The following SPATA1 variants were observed in gnomAD, a reference collection of about 807,000 sequenced individuals.
The protein encoded by SPATA1 is spermatogenesis-associated protein 1.
In SPATA1, 57 loss-of-function variants were observed where a neutral mutation model predicts 59.6. The observed-to-expected ratio is 0.96, with a 90% CI of 0.77 to 1.19. The LOEUF (loss-of-function observed/expected upper bound fraction) is 1.19. Among genes scored for constraint, SPATA1 ranks in the 50% most tolerant of loss-of-function variants. SPATA1 has a pLI of 0.00. For missense variants in SPATA1, 448 were observed against 480.7 expected (o/e 0.93, Z 0.64); for synonymous variants, 147 against 163.9 (o/e 0.90, Z 0.79).
At chr1:84,516,685 G>A (rs1682808271) in intron 2 of SPATA1, among the ~76,000 whole-genome samples, 1 of 152,100 alleles carries the variant, frequency 6.6e-6, no homozygotes, top group Non-Finnish European at 1.5e-5. Context: ...GTTCCATAGA[G>A]CAGTCATGAT....
At chr1:84,509,006 G>A (rs1682411909) in intron 1 of SPATA1, among the ~76,000 whole-genome samples, 1 of 152,214 alleles carries the variant, frequency 6.6e-6, no homozygotes, top group South Asian at 2.1e-4. Context: ...GCAATCTACA[G>A]ATTCAGTGCA....
intron 4 of SPATA1, among the ~76,000 whole-genome samples, chr1:84,560,447 T>C (rs1684570279): frequency 1.3e-5 from 2 of 152,238 alleles, no homozygotes; most frequent in South Asian, 2.1e-4. Flanking sequence ...CAGTTCTACA[T>C]AGCTGTCCAT....
chr1:84,565,664 C>T (rs1684685265), intron 4 of SPATA1, among the ~76,000 whole-genome samples, 197 bp from the exon 14 acceptor site: 1 of 152,108 alleles, frequency 6.6e-6, no homozygotes, highest in African/African-American at 2.4e-5. Flanking sequence ...AAAATCAAAA[C>T]TTTAAAACTT....
chr1:84,521,700 T>C (rs960065579), intron 3 of SPATA1, among the ~76,000 whole-genome samples: 3 of 152,226 alleles, frequency 2.0e-5, no homozygotes, highest in Non-Finnish European at 4.4e-5. Context: ...ATTTACTTCA[T>C]TAATTTTTCT....
At chr1:84,558,059 AG>A (rs1186971570), downstream of SPATA1, among the ~76,000 whole-genome samples, 5 of 152,212 alleles carry the variant, frequency 3.3e-5, no homozygotes, top group Non-Finnish European at 7.3e-5. Flanking sequence ...ATTTTCAATT[AG>A]GAACAATAAA....
intron 1 of SPATA1, chr1:84,507,228 A>G (rs1682301788): frequency 6.6e-6 from 1 of 152,214 alleles, no homozygotes; most frequent in Admixed American, 6.5e-5. Flanking sequence ...TTTTCCATTA[A>G]TGTTAATAAT....
chr1:84,560,721 T>C (rs1684579250), intron 4 of SPATA1, among the ~76,000 whole-genome samples: 2 of 152,200 alleles, frequency 1.3e-5, no homozygotes, highest in Non-Finnish European at 2.9e-5. Context: ...TAACTTTAAG[T>C]TGAAGCCAGT....
downstream of SPATA1, chr1:84,555,938 C>T (rs902944234): frequency 3.3e-5 from 5 of 152,158 alleles, no homozygotes; most frequent in African/African-American, 7.2e-5. Context: ...GCTAGGAGGT[C>T]TACAGAAGAT....
chr1:84,533,657 A>G, intron 7 of SPATA1, 52 bp from the exon 8 acceptor site: 1 of 1,319,976 alleles, frequency 7.6e-7, no homozygotes, highest in Non-Finnish European at 1.1e-6. Flanking sequence ...TGAAAAGCTA[A>G]TATTCATGGG....
At chr1:84,549,828 A>G (rs1211439584) in intron 11 of SPATA1, 1 of 151,768 alleles carries the variant, frequency 6.6e-6, no homozygotes, top group African/African-American at 2.4e-5. Flanking sequence ...TTTAATATAA[A>G]GTCCAAATAG....
chr1:84,567,108 C>T (rs1684714806), downstream of SPATA1, among the ~76,000 whole-genome samples: 1 of 152,196 alleles, frequency 6.6e-6, no homozygotes, highest in Admixed American at 6.5e-5. Flanking sequence ...ATTTTAAAAA[C>T]TGAGATACTT....
intron 1 of SPATA1, among the ~76,000 whole-genome samples, chr1:84,512,710 C>CAGTT (rs1682625180): frequency 6.6e-6 from 1 of 152,312 alleles, no homozygotes; most frequent in Admixed American, 6.5e-5. Flanking sequence ...CATCTACCAA[C>CAGTT]AGTTACTCCT....
chr1:84,529,352 CA>C (rs148878291), intron 6 of SPATA1, among the ~76,000 whole-genome samples: 2,489 of 151,958 alleles, frequency 0.016, 66 homozygotes, highest in African/African-American at 0.056. Flanking sequence ...GCTACTTACT[CA>C]GAGTCAAACA....
downstream of SPATA1, chr1:84,556,120 C>T (rs2102015706): frequency 6.6e-6 from 1 of 152,294 alleles, no homozygotes; most frequent in African/African-American, 2.4e-5. Flanking sequence ...CTTATGTTCA[C>T]CTTCCACCCT....
At chr1:84,526,070 G>A (rs756621673) in exon 6 of SPATA1, 3 of 1,605,078 alleles carry the variant, frequency 1.9e-6, no homozygotes, top group African/African-American at 2.7e-5. Context: ...GAATCAGGAA[G>A]AAGGTGATTT....
At chr1:84,510,579 C>T (rs1407246764) in intron 1 of SPATA1, among the ~76,000 whole-genome samples, 1 of 152,170 alleles carries the variant, frequency 6.6e-6, no homozygotes, top group Non-Finnish European at 1.5e-5. Flanking sequence ...ATTAGTACCA[C>T]CACTATGGAG....
At chr1:84,558,757 C>T (rs2102019770), downstream of SPATA1, among the ~76,000 whole-genome samples, 1 of 152,096 alleles carries the variant, frequency 6.6e-6, no homozygotes, top group South Asian at 2.1e-4. Flanking sequence ...AAAAATCAGC[C>T]TGGCATGATG....
chr1:84,508,454 A>AT (rs1302926700), intron 1 of SPATA1, among the ~76,000 whole-genome samples: 1 of 152,206 alleles, frequency 6.6e-6, no homozygotes, highest in Non-Finnish European at 1.5e-5. Flanking sequence ...CTGTACAGAC[A>AT]TAGATGCTCA....
intron 8 of SPATA1, 55 bp from the exon 9 acceptor site, chr1:84,544,147 G>A: frequency 1.7e-6 from 2 of 1,205,856 alleles, no homozygotes; most frequent in Non-Finnish European, 1.2e-6. Flanking sequence ...ACGGGCAAGT[G>A]AAAAAAGAAT....
Sources: gnomAD v4.1 joint callset for allele counts (sites outside exome capture counted in the v4.1 genomes callset) on GRCh38, gnomAD v4.1.1 for gene constraint, MANE v1.5 for transcripts, NCBI Gene and HGNC (gene_info 2026-07-23, HGNC 2026-07-21) for gene names.